CHI3L2: variants seen among roughly 807,000 people sequenced by gnomAD.
The protein encoded by CHI3L2 is chitinase-3-like protein 2.
CHI3L2 carries 47 observed loss-of-function variants against 47.3 expected under a neutral mutation model. The observed-to-expected ratio is 0.99, with a 90% CI of 0.79 to 1.27. The LOEUF is 1.27. Among genes scored for constraint, CHI3L2 ranks in the 50% most tolerant of loss-of-function variants. The probability of loss-of-function intolerance (pLI) is 0.00; values close to 1 mark genes in which losing one functional copy is unlikely to be tolerated. For missense variants in CHI3L2, 497 were observed against 462.1 expected, an observed-to-expected ratio of 1.08 and a Z score of -0.69; for synonymous variants, 198 against 169.9, an observed-to-expected ratio of 1.17 and a Z score of -1.28.
chr1:111,234,988 T>C lies in CHI3L2; in HGVS notation c.411T>C (p.Phe137=), dbSNP rs1189040311. The change falls in exon 5 of 11, where the codon TTT becomes TTC. Residue 137 remains phenylalanine (F), a synonymous_variant. Transcript: ENST00000369748. ...TCCTGTTTCTGAGGAACCATAACTT[T>C]GATGGACTGGATGTAAGCTGGATCT... The part of the protein sequence containing the change: ...SIILFLRNHN[F]DGLDVSWIYP... 1 of 1,614,190 alleles carries C rather than the reference T, an allele frequency of 6.2e-7. No homozygotes were observed. The highest frequency in any genetic ancestry group is 2.2e-5 in the East Asian group (1 of 44,880).
intron 2 of CHI3L2, 60 bp from the exon 3 acceptor site, chr1:111,230,682 C>A: frequency 7.1e-7 from 1 of 1,416,292 alleles, no homozygotes; most frequent in Non-Finnish European, 1.0e-6. Context: ...AAAATTGTGA[C>A]TTTCTGGACT....
intron 9 of CHI3L2, 59 bp from the exon 10 acceptor site, chr1:111,242,168 T>C: frequency 1.2e-6 from 2 of 1,609,106 alleles, no homozygotes; most frequent in Middle Eastern, 3.3e-4. Context: ...CCTGATATGG[T>C]CCTGGGCATT....
At chr1:111,240,128 T>C (rs1484126968) in intron 8 of CHI3L2, among the ~76,000 whole-genome samples, 1 of 139,888 alleles carries the variant, frequency 7.1e-6, no homozygotes, top group African/African-American at 2.5e-5. Flanking sequence ...TTTGATCAGG[T>C]AGAGAAAAAA....
chr1:111,237,729 GC>G (rs1312840956), intron 7 of CHI3L2, among the ~76,000 whole-genome samples: 1 of 152,072 alleles, frequency 6.6e-6, no homozygotes, highest in Non-Finnish European at 1.5e-5. Flanking sequence ...AAAATTCTAA[GC>G]CCCCCAGACA....
chr1:111,233,546 G>C (rs1028278109), intron 4 of CHI3L2, among the ~76,000 whole-genome samples: 3 of 152,148 alleles, frequency 2.0e-5, no homozygotes, highest in East Asian at 3.9e-4. Flanking sequence ...GAAAACCAAA[G>C]CTGGCATCCA....
At chr1:111,239,294 T>C (rs571308201) in intron 8 of CHI3L2, 5 of 192,828 alleles carry the variant, frequency 2.6e-5, no homozygotes, top group South Asian at 1.4e-4. Context: ...AGAGTGGACA[T>C]TGGTCCTGCT....
intron 5 of CHI3L2, 147 bp downstream of exon 5, chr1:111,235,204 G>A: frequency 1.3e-6 from 1 of 750,814 alleles, no homozygotes. Flanking sequence ...CCACTAATGA[G>A]AGAAAAGCCC....
chr1:111,229,531 A>C (rs992318272), intron 1 of CHI3L2, among the ~76,000 whole-genome samples: 11 of 149,040 alleles, frequency 7.4e-5, no homozygotes, highest in Non-Finnish European at 7.4e-5. Context: ...AAATACAAAA[A>C]ATTAGCCGGG....
intron 8 of CHI3L2, among the ~76,000 whole-genome samples, chr1:111,240,807 T>G (rs1005902071): frequency 6.6e-6 from 1 of 152,184 alleles, no homozygotes; most frequent in African/African-American, 2.4e-5. Context: ...CAGGGCATAT[T>G]GGATATGGGA....
intron 2 of CHI3L2, 132 bp downstream of exon 2, chr1:111,230,013 A>G: frequency 1.0e-6 from 1 of 954,522 alleles, no homozygotes; most frequent in Non-Finnish European, 1.6e-6. Flanking sequence ...TGACATATTT[A>G]TGACACTGAG....
intron 1 of CHI3L2, 150 bp from the exon 2 acceptor site, chr1:111,229,702 A>AAAAAAAAC (rs1659649934): frequency 8.8e-7 from 1 of 1,133,452 alleles, no homozygotes; most frequent in Non-Finnish European, 1.1e-6. Flanking sequence ...AAAAAAAAAA[A>AAAAAAAAC]AAAGAAACCA....
chr1:111,238,086 C>T (rs1223379863), intron 7 of CHI3L2, among the ~76,000 whole-genome samples: 3 of 152,166 alleles, frequency 2.0e-5, no homozygotes, highest in Admixed American at 6.5e-5. Flanking sequence ...TCACTTATGA[C>T]CTGGAAGCTG....
At chr1:111,232,105 C>G (rs1659739194) in intron 4 of CHI3L2, among the ~76,000 whole-genome samples, 1 of 152,112 alleles carries the variant, frequency 6.6e-6, no homozygotes, top group Non-Finnish European at 1.5e-5. Flanking sequence ...TCAGTTACAG[C>G]CAGAGTAGGC....
chr1:111,238,904 A>T lies in CHI3L2; in HGVS notation c.890A>T (p.Glu297Val). The change falls in exon 8 of 11, where the codon GAG (glutamate) becomes GTG (valine). Residue 297 changes from glutamate to valine, a missense_variant. Glu to Val is a moderately radical substitution (Grantham distance 121). Coordinates refer to ENST00000369748, the MANE Select transcript of CHI3L2 (RefSeq NM_004000.3). Reference sequence around the variant, plus strand: ...CCTGGAGCTGCTGGACCCATCACAGAGTCTTCAGGCTTCCTGGCCTATTAT... The same window carrying T: ...CCTGGAGCTGCTGGACCCATCACAGTGTCTTCAGGCTTCCTGGCCTATTAT... ...SGPGAAGPITESSGFLAYYEI... is the reference protein window; with the variant it reads ...SGPGAAGPITVSSGFLAYYEI... 1 of 1,608,194 alleles carries T rather than the reference A, an allele frequency of 6.2e-7. No homozygotes were observed. Among genetic ancestry groups the T allele is most frequent in the Non-Finnish European group, 8.5e-7 (1 of 1,177,738 alleles).
intron 2 of CHI3L2, 52 bp from the exon 3 acceptor site, chr1:111,230,690 A>T: frequency 6.8e-7 from 1 of 1,463,950 alleles, no homozygotes; most frequent in African/African-American, 1.4e-5. Context: ...GACTTTCTGG[A>T]CTCTAAGGCA....
chr1:111,229,617 G>A (rs1486726590), intron 1 of CHI3L2: 1 of 435,210 alleles, frequency 2.3e-6, no homozygotes, highest in East Asian at 6.9e-5. Flanking sequence ...GGGAGGCGGA[G>A]CTTGCAGTGA....
intron 10 of CHI3L2, among the ~76,000 whole-genome samples, 190 bp from the exon 11 acceptor site, chr1:111,243,027 G>C (rs1660107664): frequency 6.6e-6 from 1 of 152,138 alleles, no homozygotes; most frequent in Non-Finnish European, 1.5e-5. Context: ...CAGGGCGCTG[G>C]GGCTCACTGC....
intron 4 of CHI3L2, among the ~76,000 whole-genome samples, chr1:111,233,952 G>T (rs1212650367): frequency 6.6e-6 from 1 of 151,546 alleles, no homozygotes. Context: ...TGGATTAAGG[G>T]CGGTGCAAGA....
intron 4 of CHI3L2, among the ~76,000 whole-genome samples, chr1:111,232,973 T>G (rs921083093): frequency 6.6e-6 from 1 of 152,212 alleles, no homozygotes; most frequent in Admixed American, 6.5e-5. Context: ...AAATCTCAAT[T>G]TAATATTGAG....
Sources: allele counts gnomAD v4.1 joint callset (sites outside exome capture counted in the v4.1 genomes callset), GRCh38; gene constraint gnomAD v4.1.1; transcripts MANE v1.5; gene names NCBI Gene and HGNC (gene_info 2026-07-23, HGNC 2026-07-21).